SUPT3H: variants seen among roughly 807,000 people sequenced by gnomAD.
The protein encoded by SUPT3H is SPT3 homolog, SAGA and STAGA complex component, also known as transcription initiation protein SPT3 homolog.
A neutral mutation model predicts 44.3 loss-of-function variants in SUPT3H; 44 were observed. The ratio of observed to expected loss-of-function variants is 0.99; its 90% CI spans 0.78 to 1.28. SUPT3H has a LOEUF of 1.28. Among genes scored for constraint, SUPT3H ranks in the 50% most tolerant of loss-of-function variants. The pLI is 0.00. For synonymous variants in SUPT3H, 124 were observed against 125.6 expected, an observed-to-expected ratio of 0.99 and a Z score of 0.09; for missense variants, 380 against 387.1, an observed-to-expected ratio of 0.98 and a Z score of 0.15.
intron 2 of SUPT3H, among the ~76,000 whole-genome samples, chr6:45,185,104 T>C (rs975023203): frequency 1.3e-5 from 2 of 152,134 alleles, no homozygotes; most frequent in Non-Finnish European, 2.9e-5. Context: ...GAGGAACTGA[T>C]TTTACATTCC....
chr6:44,849,065 G>C (rs1772393230), intron 10 of SUPT3H, among the ~76,000 whole-genome samples: 1 of 152,102 alleles, frequency 6.6e-6, no homozygotes, highest in Non-Finnish European at 1.5e-5. Context: ...TACCATACAT[G>C]GGAGCAGTTT....
At chr6:44,843,333 A>C (rs1475957570) in intron 10 of SUPT3H, among the ~76,000 whole-genome samples, 1 of 152,196 alleles carries the variant, frequency 6.6e-6, no homozygotes, top group Non-Finnish European at 1.5e-5. Context: ...ATTTCTCCAT[A>C]AGATCAGGGA....
At chr6:44,878,510 G>A (rs1777666544) in intron 10 of SUPT3H, among the ~76,000 whole-genome samples, 1 of 151,840 alleles carries the variant, frequency 6.6e-6, no homozygotes, top group Non-Finnish European at 1.5e-5. Context: ...AAGTTACTGT[G>A]TATGTGTGTG....
At chr6:44,926,249 T>C (rs1343462641) in intron 10 of SUPT3H, among the ~76,000 whole-genome samples, 1 of 152,062 alleles carries the variant, frequency 6.6e-6, no homozygotes, top group Non-Finnish European at 1.5e-5. Flanking sequence ...AAAAAATAAT[T>C]AAAAATACAG....
chr6:45,370,816 G>A (rs1795934433), intron 1 of SUPT3H, among the ~76,000 whole-genome samples: 2 of 152,038 alleles, frequency 1.3e-5, no homozygotes. Context: ...AGACTGCTCC[G>A]AGACACAGGA....
intron 2 of SUPT3H, among the ~76,000 whole-genome samples, chr6:45,199,142 A>G (rs879867772): frequency 9.3e-5 from 14 of 151,348 alleles, no homozygotes; most frequent in Non-Finnish European, 1.6e-4. Context: ...ACTCAAAGAC[A>G]ATAAAATACA....
chr6:45,010,803 T>C (rs749853671), intron 5 of SUPT3H, among the ~76,000 whole-genome samples: 3 of 152,126 alleles, frequency 2.0e-5, no homozygotes, highest in Non-Finnish European at 4.4e-5. Flanking sequence ...CACTGGGAAT[T>C]AGGCTTCAAC....
At chr6:45,297,616 C>G (rs1470988974) in intron 2 of SUPT3H, among the ~76,000 whole-genome samples, 1 of 152,106 alleles carries the variant, frequency 6.6e-6, no homozygotes, top group African/African-American at 2.4e-5. Context: ...CTTCTGGGAA[C>G]CAATAAATTG....
At chr6:45,279,526 A>G (rs945729152) in intron 2 of SUPT3H, among the ~76,000 whole-genome samples, 21 of 152,052 alleles carry the variant, frequency 1.4e-4, no homozygotes, top group Non-Finnish European at 4.4e-5. Context: ...AAAAATGTGT[A>G]GCACCTCCCC....
chr6:45,140,567 A>G (rs1370210345), intron 2 of SUPT3H, among the ~76,000 whole-genome samples: 1 of 152,214 alleles, frequency 6.6e-6, no homozygotes, highest in African/African-American at 2.4e-5. Flanking sequence ...TCCACAGAAC[A>G]ACTTCATTGC....
chr6:45,222,793 C>G (rs1766277538), intron 2 of SUPT3H, among the ~76,000 whole-genome samples: 1 of 152,074 alleles, frequency 6.6e-6, no homozygotes, highest in Admixed American at 6.6e-5. Context: ...GGAGACAACT[C>G]AGATGTCCTT....
intron 2 of SUPT3H, among the ~76,000 whole-genome samples, chr6:45,204,764 C>T (rs1762973928): frequency 6.6e-6 from 1 of 152,158 alleles, no homozygotes; most frequent in Non-Finnish European, 1.5e-5. Flanking sequence ...CCCCTAATAA[C>T]TCAGGCTGAA....
intron 2 of SUPT3H, among the ~76,000 whole-genome samples, chr6:45,196,401 A>G (rs1002155512): frequency 6.6e-6 from 1 of 152,026 alleles, no homozygotes; most frequent in African/African-American, 2.4e-5. Flanking sequence ...AATGCAGTTC[A>G]TGTTGAAAAT....
chr6:45,325,099 A>C (rs1234497227), intron 2 of SUPT3H, among the ~76,000 whole-genome samples: 1 of 151,880 alleles, frequency 6.6e-6, no homozygotes, highest in African/African-American at 2.4e-5. Flanking sequence ...AGATGAAACA[A>C]TAAGTTAAAA....
chr6:45,295,681 A>G (rs576823912), intron 2 of SUPT3H, among the ~76,000 whole-genome samples: 1 of 152,266 alleles, frequency 6.6e-6, no homozygotes, highest in South Asian at 2.1e-4. Context: ...CAATCCCATC[A>G]AAAAGTGGGC....
chr6:45,275,030 A>G (rs1036788025), intron 2 of SUPT3H, among the ~76,000 whole-genome samples: 6 of 152,154 alleles, frequency 3.9e-5, no homozygotes, highest in African/African-American at 1.4e-4. Context: ...TTCCTGAGAT[A>G]AATTTCCCTG....
At chr6:44,982,582 A>G (rs1779249829) in intron 6 of SUPT3H, among the ~76,000 whole-genome samples, 1 of 152,224 alleles carries the variant, frequency 6.6e-6, no homozygotes, top group Admixed American at 6.5e-5. Context: ...GTAAACATCC[A>G]GATACTTCAA....
intron 2 of SUPT3H, among the ~76,000 whole-genome samples, chr6:45,231,661 T>C (rs1013998192): frequency 2.0e-5 from 3 of 152,210 alleles, no homozygotes; most frequent in Non-Finnish European, 2.9e-5. Context: ...GAAGTTTTAA[T>C]CTATTAATTT....
At chr6:45,319,018 G>A (rs1785102202) in intron 2 of SUPT3H, among the ~76,000 whole-genome samples, 1 of 151,960 alleles carries the variant, frequency 6.6e-6, no homozygotes, top group South Asian at 2.1e-4. Flanking sequence ...TTAAAAAAAT[G>A]TTCCTCTTGT....
Sources: allele counts gnomAD v4.1 joint callset (sites outside exome capture counted in the v4.1 genomes callset), GRCh38; gene constraint gnomAD v4.1.1; transcripts MANE v1.5; gene names NCBI Gene and HGNC (gene_info 2026-07-23, HGNC 2026-07-21).